The following SGMS1 variants were observed in gnomAD, a reference collection of about 807,000 sequenced individuals.
The protein encoded by SGMS1 is sphingomyelin synthase 1, also known as phosphatidylcholine:ceramide cholinephosphotransferase 1.
A neutral mutation model predicts 46.2 loss-of-function variants in SGMS1; 13 were observed. The ratio of observed to expected loss-of-function variants is 0.28; its 90% CI spans 0.18 to 0.45. SGMS1 has a LOEUF of 0.45. Ranked by LOEUF, SGMS1 falls within the 20% of genes least tolerant of loss-of-function variation. SGMS1 has a pLI of 1.00. For missense variants in SGMS1, 324 were observed against 519.9 expected (o/e 0.62, Z 3.66); for synonymous variants, 203 against 187.8 (o/e 1.08, Z -0.66).
intron 2 of SGMS1, among the ~76,000 whole-genome samples, chr10:50,550,072 T>C (rs1838135596): frequency 6.6e-6 from 1 of 152,242 alleles, no homozygotes; most frequent in Non-Finnish European, 1.5e-5. Context: ...TAACTTGGAT[T>C]CTGTGACTTT....
intron 6 of SGMS1, among the ~76,000 whole-genome samples, chr10:50,401,597 A>C (rs968060432): frequency 3.3e-5 from 5 of 152,182 alleles, no homozygotes; most frequent in African/African-American, 1.2e-4. Flanking sequence ...CAAAAGGTCT[A>C]TATGCCACCA....
At chr10:50,540,185 G>T (rs954858407) in intron 2 of SGMS1, among the ~76,000 whole-genome samples, 2 of 152,182 alleles carry the variant, frequency 1.3e-5, no homozygotes, top group South Asian at 2.1e-4. Context: ...ACATCCAGAA[G>T]GTGATGACAT....
chr10:50,553,665 C>T (rs143394269), intron 2 of SGMS1, among the ~76,000 whole-genome samples: 196 of 152,234 alleles, frequency 1.3e-3, no homozygotes, highest in Middle Eastern at 6.8e-3. Flanking sequence ...TGAACCACTG[C>T]TTTTAGGTAT....
chr10:50,393,684 A>G (rs755516525), intron 6 of SGMS1, among the ~76,000 whole-genome samples: 2 of 152,188 alleles, frequency 1.3e-5, no homozygotes, highest in Non-Finnish European at 2.9e-5. Flanking sequence ...TCTGAGACCA[A>G]TTACTAGAGG....
chr10:50,565,980 C>G (rs1838284963), intron 2 of SGMS1, among the ~76,000 whole-genome samples: 1 of 152,234 alleles, frequency 6.6e-6, no homozygotes, highest in Non-Finnish European at 1.5e-5. Context: ...CAAGGTGACA[C>G]CAGCACAATG....
At chr10:50,433,654 A>G (rs1217595672) in intron 5 of SGMS1, 98 bp from the exon 6 acceptor site, 2 of 152,360 alleles carry the variant, frequency 1.3e-5, no homozygotes, top group African/African-American at 4.8e-5. Flanking sequence ...AAGACATAGA[A>G]AAGTCCAGTC....
At chr10:50,351,814 A>G (rs1270370786) in intron 6 of SGMS1, among the ~76,000 whole-genome samples, 1 of 152,178 alleles carries the variant, frequency 6.6e-6, no homozygotes, top group East Asian at 1.9e-4. Flanking sequence ...GAACTAATAC[A>G]CCTACCTTCA....
chr10:50,468,467 G>A (rs1391294910), intron 3 of SGMS1, among the ~76,000 whole-genome samples: 1 of 152,152 alleles, frequency 6.6e-6, no homozygotes, highest in Non-Finnish European at 1.5e-5. Flanking sequence ...GTAAGCCCAC[G>A]TTATCTTTTT....
intron 8 of SGMS1, among the ~76,000 whole-genome samples, chr10:50,318,690 CCCA>C (rs904781300): frequency 5.3e-5 from 8 of 152,126 alleles, no homozygotes; most frequent in African/African-American, 1.9e-4. Context: ...AAATATTATG[CCCA>C]CCACAACTGA....
At chr10:50,488,937 C>A (rs575945700) in intron 3 of SGMS1, among the ~76,000 whole-genome samples, 2 of 152,282 alleles carry the variant, frequency 1.3e-5, no homozygotes, top group Admixed American at 6.5e-5. Flanking sequence ...CAGGCCCAAG[C>A]AACTCTATGA....
At chr10:50,522,660 T>G (rs143041557) in intron 2 of SGMS1, among the ~76,000 whole-genome samples, 1 of 152,240 alleles carries the variant, frequency 6.6e-6, no homozygotes, top group Non-Finnish European at 1.5e-5. Flanking sequence ...CTATTTCACT[T>G]ATGTCCTTAG....
intron 6 of SGMS1, among the ~76,000 whole-genome samples, chr10:50,416,934 GTCTA>G (rs936516931): frequency 7.3e-5 from 11 of 150,168 alleles, no homozygotes; most frequent in African/African-American, 2.7e-4. Context: ...CTCCATGACA[GTCTA>G]TCTTTTAACC....
chr10:50,516,851 A>G (rs571195646), intron 3 of SGMS1, among the ~76,000 whole-genome samples: 40 of 152,288 alleles, frequency 2.6e-4, no homozygotes, highest in African/African-American at 9.6e-4. Context: ...TTTTTAATGC[A>G]TTGGTTAGCT....
Position 50,306,791 on chromosome 10 carries a change from C to T in SGMS1, c.*351G>A, listed in dbSNP as rs546762892. ...TATGTTTTCCCAAGAAAATAATACGCTTTATTTCCAGATGTGACTGGAAAG... is the reference window on the plus strand; with the variant it reads ...TATGTTTTCCCAAGAAAATAATACGTTTTATTTCCAGATGTGACTGGAAAG... On this transcript the variant is annotated 3_prime_UTR_variant, in exon 11 of 11. Transcript: ENST00000361781. 1.2e-5 allele frequency: 2 copies of T among 171,784 alleles called. No individual in the cohort carries two copies. The highest frequency in any genetic ancestry group is 2.0e-4 in the South Asian group (1 of 4,986). 10.6% of individuals were successfully genotyped at this position (171,784 alleles called of 1,614,324 possible).
chr10:50,435,519 A>G (rs1329196245), intron 5 of SGMS1, among the ~76,000 whole-genome samples: 1 of 152,256 alleles, frequency 6.6e-6, no homozygotes, highest in Non-Finnish European at 1.5e-5. Context: ...AATGTTCAAT[A>G]CAAATCTCCA....
At chr10:50,517,771 C>T (rs1426737878) in intron 3 of SGMS1, among the ~76,000 whole-genome samples, 1 of 151,894 alleles carries the variant, frequency 6.6e-6, no homozygotes, top group Non-Finnish European at 1.5e-5. Context: ...AATAAACAAA[C>T]TTAGAGTAAG....
chr10:50,614,658 C>T (rs775571574), intron 1 of SGMS1, among the ~76,000 whole-genome samples: 23 of 152,242 alleles, frequency 1.5e-4, no homozygotes, highest in Admixed American at 5.9e-4. Flanking sequence ...TTCTGATACA[C>T]GCTGAAATCT....
chr10:50,341,674 G>A (rs1457837113), intron 7 of SGMS1, among the ~76,000 whole-genome samples: 3 of 151,548 alleles, frequency 2.0e-5, no homozygotes, highest in Non-Finnish European at 4.4e-5. Flanking sequence ...CAGCAAGTTG[G>A]ACACACCTGA....
At chr10:50,317,098 C>G (rs1847352379) in intron 8 of SGMS1, among the ~76,000 whole-genome samples, 1 of 152,144 alleles carries the variant, frequency 6.6e-6, no homozygotes, top group East Asian at 1.9e-4. Context: ...AAGACCAGAT[C>G]TGATAAAGGA....
Sources: allele counts gnomAD v4.1 joint callset (sites outside exome capture counted in the v4.1 genomes callset), GRCh38; gene constraint gnomAD v4.1.1; transcripts MANE v1.5; gene names NCBI Gene and HGNC (gene_info 2026-07-23, HGNC 2026-07-21).